The following ASCC1 variants were observed in gnomAD, a reference collection of about 807,000 sequenced individuals.
The protein encoded by ASCC1 is activating signal cointegrator 1 complex subunit 1.
ASCC1 carries 35 observed loss-of-function variants against 46.6 expected under a neutral mutation model. That is an observed-to-expected ratio of 0.75 (90% CI 0.57 to 0.99). The LOEUF (loss-of-function observed/expected upper bound fraction) is 0.99. Ranked by LOEUF, ASCC1 falls within the 50% of genes least tolerant of loss-of-function variation. The pLI, the probability that ASCC1 is intolerant of heterozygous loss-of-function variation, is 0.00. For missense variants in ASCC1, 376 were observed against 428.7 expected (o/e 0.88, Z 1.09); for synonymous variants, 143 against 146.6 (o/e 0.98, Z 0.18).
chr10:72,162,915 C>T (rs1039912184), intron 5 of ASCC1, among the ~76,000 whole-genome samples: 5 of 146,118 alleles, frequency 3.4e-5, no homozygotes, highest in African/African-American at 1.1e-4. Flanking sequence ...TGCACTCCAG[C>T]CTGGGTGACA....
At chr10:72,210,940 C>T in intron 2 of ASCC1, 109 bp from the exon 3 acceptor site, 1 of 904,042 alleles carries the variant, frequency 1.1e-6, no homozygotes, top group Non-Finnish European at 1.8e-6. Flanking sequence ...AATACACAGG[C>T]ATAAAGAACA....
In ASCC1 at chr10:72,196,991, T is replaced by C. The variant is rs1281256224; in HGVS notation, c.311-2A>G. On this transcript the variant is annotated splice_acceptor_variant, in intron 4 of 9. Coordinates refer to ENST00000672957, the MANE Select transcript of ASCC1 (RefSeq NM_001198800.3). LOFTEE classifies it high-confidence loss of function. The stretch of plus-strand genomic sequence containing the variant: ...CATTTCGATGCTGGCCAGTGATTAC[T>C]GTAAACAAAGAAGAAAGGGTAAACT... The C allele has an allele frequency of 1.6e-5, 26 of 1,613,500 alleles. No individual in the cohort carries two copies. The highest frequency in any genetic ancestry group is 2.1e-5 in the Non-Finnish European group (25 of 1,180,012).
chr10:72,200,951 G>GA (rs1264219626), intron 4 of ASCC1, among the ~76,000 whole-genome samples: 4 of 151,356 alleles, frequency 2.6e-5, no homozygotes, highest in African/African-American at 2.4e-5. Flanking sequence ...TAAAAATTCA[G>GA]AAAAAAAAAT....
chr10:72,212,271 C>A, intron 2 of ASCC1: 1 of 177,838 alleles, frequency 5.6e-6, no homozygotes, highest in Non-Finnish European at 1.2e-5. Context: ...CCAGATCACG[C>A]CACTGCACTC....
At chr10:72,184,746 G>A (rs183172322) in intron 5 of ASCC1, among the ~76,000 whole-genome samples, 1 of 146,996 alleles carries the variant, frequency 6.8e-6, no homozygotes, top group African/African-American at 2.5e-5. Context: ...AGTGAGCCAA[G>A]ATCACGGCAC....
chr10:72,166,433 G>C (rs985938435), intron 5 of ASCC1, among the ~76,000 whole-genome samples: 1 of 149,662 alleles, frequency 6.7e-6, no homozygotes, highest in Non-Finnish European at 1.5e-5. Flanking sequence ...ACCAGTTCAA[G>C]ACCAGCCTGG....
Position 72,096,095 on chromosome 10 carries a change from C to T in ASCC1, c.*1239G>A, listed in dbSNP as rs1325094613. ...CCCAATAATAAATCTCACTGTTAGA[C>T]ACAGTCCTCACAATGTAGCAACTTA... On this transcript the variant is annotated 3_prime_UTR_variant, in exon 10 of 10. Transcript: ENST00000672957. 2.2e-6 allele frequency: 1 copy of T among 453,962 alleles called. No individual in the cohort carries two copies. Among genetic ancestry groups the T allele is most frequent in the Non-Finnish European group, 4.4e-6 (1 of 226,766 alleles). 28.1% of individuals were successfully genotyped at this position (453,962 alleles called of 1,614,324 possible).
chr10:72,121,719 T>C (rs555922472), intron 9 of ASCC1, among the ~76,000 whole-genome samples: 2 of 152,270 alleles, frequency 1.3e-5, no homozygotes, highest in South Asian at 4.1e-4. Context: ...TTAACACATA[T>C]GTGCCTAAAA....
intron 4 of ASCC1, 113 bp downstream of exon 4, chr10:72,203,314 C>A (rs965992436): frequency 2.4e-6 from 2 of 829,352 alleles, no homozygotes; most frequent in Non-Finnish European, 4.0e-6. Context: ...AAAGAAAAAG[C>A]CCATAGCTAG....
intron 5 of ASCC1, among the ~76,000 whole-genome samples, chr10:72,172,309 G>A (rs1385036153): frequency 2.7e-5 from 4 of 150,656 alleles, no homozygotes; most frequent in Non-Finnish European, 4.4e-5. Context: ...CAGCTACTTC[G>A]AGGGCTGAAG....
At position 72,161,557 on chromosome 10, in the gene ASCC1, A is replaced by G; in HGVS notation, c.607T>C (p.Cys203Arg). The G allele has an allele frequency of 6.2e-7, 1 of 1,614,154 alleles. No individual in the cohort carries two copies. Among genetic ancestry groups the G allele is most frequent in the Non-Finnish European group, 8.5e-7 (1 of 1,180,040 alleles). ...IQQTCEMLQQCKEEFINDISG... is the reference protein window; with the variant it reads ...IQQTCEMLQQRKEEFINDISG... ...ACTCACTTAATGAATTCCTCTTTAC[A>G]CTGCTGTAGCATCTCACATGTCTGC... is the stretch of plus-strand genomic sequence containing the variant. Residue 203 changes from cysteine (C) to arginine (R), a missense_variant, in exon 6 of 10, where the codon TGT becomes CGT. Cys to Arg is a radical substitution (Grantham distance 180). Transcript: ENST00000672957.
At chr10:72,098,117 T>G (rs999914010) in intron 9 of ASCC1, among the ~76,000 whole-genome samples, 3 of 152,244 alleles carry the variant, frequency 2.0e-5, no homozygotes, top group Non-Finnish European at 1.5e-5. Flanking sequence ...GCTATGATCC[T>G]GTACTTTACA....
chr10:72,203,656 C>T (rs571620382), intron 3 of ASCC1, 132 bp from the exon 4 acceptor site: 543 of 728,828 alleles, frequency 7.5e-4, no homozygotes, highest in Non-Finnish European at 1.1e-3. Flanking sequence ...TCAATATTTG[C>T]GGAAGAAATT....
rs1841119431 is a variant in ASCC1, at chr10:72,096,604, A to T, written c.*730T>A. On this transcript the variant is annotated 3_prime_UTR_variant, in exon 10 of 10. Coordinates refer to ENST00000672957, the MANE Select transcript of ASCC1 (RefSeq NM_001198800.3). ...GAATTAAAGGCAGAGTCTCAAAGAG[A>T]TATTTGCACCCCCGTGTCTGTATTA... is the stretch of plus-strand genomic sequence containing the variant. 2.2e-6 allele frequency: 1 copy of T among 453,654 alleles called. No individual in the cohort carries two copies. The highest frequency in any genetic ancestry group is 2.0e-5 in the African/African-American group (1 of 49,998). The allele number at this position is 453,654 out of a possible 1,614,324, so 28.1% of individuals were successfully genotyped here.
chr10:72,203,085 G>A (rs1170648591), intron 4 of ASCC1, among the ~76,000 whole-genome samples: 3 of 151,988 alleles, frequency 2.0e-5, no homozygotes, highest in African/African-American at 4.8e-5. Flanking sequence ...TCAGGAGTTC[G>A]AGACCAGCCT....
At chr10:72,136,650 C>A (rs1309441946) in intron 7 of ASCC1, among the ~76,000 whole-genome samples, 1 of 152,188 alleles carries the variant, frequency 6.6e-6, no homozygotes, top group African/African-American at 2.4e-5. Flanking sequence ...CCACTTGGGT[C>A]CCCCTTCCAT....
chr10:72,183,250 C>T (rs1852920452), intron 5 of ASCC1, among the ~76,000 whole-genome samples: 1 of 152,084 alleles, frequency 6.6e-6, no homozygotes, highest in South Asian at 2.1e-4. Context: ...CCCATGTTGG[C>T]CAGCCTTGTC....
intron 9 of ASCC1, among the ~76,000 whole-genome samples, chr10:72,112,499 G>A (rs560878231): frequency 1.8e-4 from 28 of 152,166 alleles, no homozygotes; most frequent in African/African-American, 4.1e-4. Context: ...GATGATGGTC[G>A]CGTAACAACA....
chr10:72,196,242 A>C (rs1855401965), intron 5 of ASCC1, among the ~76,000 whole-genome samples: 1 of 150,762 alleles, frequency 6.6e-6, no homozygotes, highest in Non-Finnish European at 1.5e-5. Flanking sequence ...GATGCAGAAT[A>C]GTGTGTCTAT....
Sources: allele counts gnomAD v4.1 joint callset (sites outside exome capture counted in the v4.1 genomes callset), GRCh38; gene constraint gnomAD v4.1.1; transcripts MANE v1.5; gene names NCBI Gene and HGNC (gene_info 2026-07-23, HGNC 2026-07-21).